Variants in DRC8 observed in about 807,000 individuals in gnomAD.
The protein encoded by DRC8 is dynein regulatory complex subunit 8.
chr1:245,084,058 T>G, the DRC8 span, among the ~76,000 whole-genome samples: 1 of 30,104 alleles, frequency 3.3e-5, no homozygotes, highest in Non-Finnish European at 7.8e-5. Flanking sequence ...AATATAAAAA[T>G]TCCGCCCCCC....
chr1:245,076,275 G>A, the DRC8 span, among the ~76,000 whole-genome samples: 1 of 152,072 alleles, frequency 6.6e-6, no homozygotes, highest in Non-Finnish European at 1.5e-5. Flanking sequence ...TTGACTCTCA[G>A]AGTTCACAAA....
At chr1:245,005,425 A>G in the DRC8 span, among the ~76,000 whole-genome samples, 1 of 149,572 alleles carries the variant, frequency 6.7e-6, no homozygotes, top group African/African-American at 2.5e-5. Flanking sequence ...ATCTCGGCTC[A>G]CTGTAACCTC....
the DRC8 span, among the ~76,000 whole-genome samples, chr1:245,078,480 T>C: frequency 6.8e-6 from 1 of 146,474 alleles, no homozygotes; most frequent in Non-Finnish European, 1.5e-5. Context: ...CACACGTATG[T>C]AATGGAATAT....
At chr1:245,002,675 C>T in the DRC8 span, among the ~76,000 whole-genome samples, 3 of 151,758 alleles carry the variant, frequency 2.0e-5, no homozygotes, top group African/African-American at 4.8e-5. Context: ...CACACCAGCA[C>T]GCCCAGCTAA....
the DRC8 span, chr1:245,124,459 T>C: frequency 6.6e-6 from 1 of 152,176 alleles, no homozygotes; most frequent in Non-Finnish European, 1.5e-5. Context: ...TGGTGAGCCA[T>C]CCTCACAGGA....
the DRC8 span, among the ~76,000 whole-genome samples, chr1:245,118,237 A>C: frequency 6.6e-6 from 1 of 152,166 alleles, no homozygotes; most frequent in East Asian, 1.9e-4. Context: ...GTGCATTTTG[A>C]GATTGAAATC....
the DRC8 span, among the ~76,000 whole-genome samples, chr1:245,029,130 A>C: frequency 6.6e-6 from 1 of 152,250 alleles, no homozygotes; most frequent in African/African-American, 2.4e-5. Flanking sequence ...CCAGTAGGCT[A>C]TGTTCCAGGC....
chr1:245,030,125 A>C, the DRC8 span, among the ~76,000 whole-genome samples: 5 of 152,338 alleles, frequency 3.3e-5, no homozygotes, highest in Admixed American at 3.3e-4. Context: ...GGAAGACTTA[A>C]TGCAAATGCA....
At chr1:245,029,291 C>T in the DRC8 span, among the ~76,000 whole-genome samples, 1 of 152,108 alleles carries the variant, frequency 6.6e-6, no homozygotes, top group Non-Finnish European at 1.5e-5. Context: ...CTGTGGATTA[C>T]AGGTATCTGT....
the DRC8 span, among the ~76,000 whole-genome samples, chr1:245,016,991 C>A: frequency 6.6e-6 from 1 of 152,140 alleles, no homozygotes; most frequent in African/African-American, 2.4e-5. Flanking sequence ...TATGTAAACA[C>A]TTAATTAAGC....
chr1:245,089,772 A>T, the DRC8 span, among the ~76,000 whole-genome samples: 1 of 152,050 alleles, frequency 6.6e-6, no homozygotes, highest in Non-Finnish European at 1.5e-5. The surrounding 1 kb of genome is among the most constrained non-coding windows in gnomAD (Gnocchi z 4.8). Flanking sequence ...TTTTTGGAAG[A>T]TGGGTGGATG....
the DRC8 span, among the ~76,000 whole-genome samples, chr1:245,106,860 A>C: frequency 3.3e-5 from 5 of 152,204 alleles, no homozygotes; most frequent in African/African-American, 7.2e-5. Flanking sequence ...GCTGGCCAAC[A>C]TGGCAAAACC....
the DRC8 span, among the ~76,000 whole-genome samples, chr1:245,088,315 G>C: frequency 2.1e-5 from 3 of 145,600 alleles, no homozygotes; most frequent in East Asian, 2.0e-4. This position sits in a 1 kb window ranked among gnomAD's most constrained non-coding sequence, Gnocchi z 4.6. Flanking sequence ...GTTATAACAA[G>C]ACACACACAC....
the DRC8 span, chr1:245,082,032 T>C: frequency 9.6e-6 from 14 of 1,453,682 alleles, no homozygotes; most frequent in Non-Finnish European, 1.4e-5. Flanking sequence ...AACTAGTTGC[T>C]GAATACATTT....
chr1:245,017,142 C>G, the DRC8 span: 5 of 1,088,498 alleles, frequency 4.6e-6, no homozygotes, highest in Non-Finnish European at 6.5e-6. Context: ...GAGGGTTCTT[C>G]ATATGCTTAC....
the DRC8 span, among the ~76,000 whole-genome samples, chr1:244,993,282 T>C: frequency 6.6e-6 from 1 of 152,228 alleles, no homozygotes; most frequent in Non-Finnish European, 1.5e-5. Flanking sequence ...GTCTGCCTTC[T>C]GGCCTCCAGT....
At chr1:245,092,256 AC>A in the DRC8 span, among the ~76,000 whole-genome samples, 3 of 152,218 alleles carry the variant, frequency 2.0e-5, no homozygotes, top group Non-Finnish European at 4.4e-5. Flanking sequence ...TGCCCAAGAG[AC>A]AAAAAAGAGT....
chr1:245,074,564 A>T, the DRC8 span, among the ~76,000 whole-genome samples: 2 of 152,210 alleles, frequency 1.3e-5, no homozygotes. Flanking sequence ...AAGTGATCTT[A>T]CTAAGTACCG....
chr1:245,119,182 G>A, the DRC8 span, among the ~76,000 whole-genome samples: 1 of 152,166 alleles, frequency 6.6e-6, no homozygotes, highest in Non-Finnish European at 1.5e-5. Flanking sequence ...AAAAAAGAGT[G>A]TGAACTCTTG....
Sources: allele counts gnomAD v4.1 joint callset (sites outside exome capture counted in the v4.1 genomes callset), GRCh38; gene constraint gnomAD v4.1.1; non-coding constraint Gnocchi (gnomAD v3.1); transcripts MANE v1.5; gene names NCBI Gene and HGNC (gene_info 2026-07-23, HGNC 2026-07-21).